The following TAFA1 variants were observed in gnomAD, a reference collection of about 807,000 sequenced individuals.
The protein encoded by TAFA1 is chemokine-like protein TAFA-1.
Under a neutral mutation model 18.5 loss-of-function variants are expected in TAFA1, and 4 were observed. The observed-to-expected ratio is 0.22, with a 90% CI of 0.11 to 0.49. TAFA1 has a LOEUF of 0.49. TAFA1 is among the 20% of genes least tolerant of loss of function. The pLI is 0.98. For synonymous variants in TAFA1, 56 were observed against 55.2 expected, an observed-to-expected ratio of 1.01 and a Z score of -0.06; for missense variants, 147 against 169.0, an observed-to-expected ratio of 0.87 and a Z score of 0.72.
chr3:68,430,899 A>G (rs1392905954), intron 3 of TAFA1, among the ~76,000 whole-genome samples: 3 of 152,032 alleles, frequency 2.0e-5, no homozygotes, highest in Non-Finnish European at 4.4e-5. Context: ...AGCAGTCTTA[A>G]GATACTGTAT....
At chr3:68,262,241 A>G (rs1252336337) in intron 2 of TAFA1, among the ~76,000 whole-genome samples, 1 of 142,494 alleles carries the variant, frequency 7.0e-6, no homozygotes. Context: ...TGATTACCCA[A>G]ACCCTAAGTC....
intron 2 of TAFA1, among the ~76,000 whole-genome samples, chr3:68,322,156 A>G (rs1014277422): frequency 3.7e-4 from 57 of 152,258 alleles, no homozygotes; most frequent in African/African-American, 1.3e-3. Context: ...CTAAAATTAC[A>G]TATACAAGTA....
At chr3:68,249,570 T>C (rs1028716218) in intron 2 of TAFA1, among the ~76,000 whole-genome samples, 18 of 152,074 alleles carry the variant, frequency 1.2e-4, no homozygotes, top group African/African-American at 4.3e-4. Context: ...AAAAGGGGAA[T>C]GGCTGCTCAG....
rs539945412 is a variant in TAFA1, at chr3:68,281,538, C to T, written c.119-135742C>T. ...AGGCTGGAGTACAGTGGTGCGATCT[C>T]GGCTCACTGCAACCTCCACTTCCCA... On this transcript the variant is annotated intron_variant, in intron 2 of 4. Coordinates refer to ENST00000478136, the MANE Select transcript of TAFA1 (RefSeq NM_213609.4). Among the ~76,000 whole-genome samples the T allele has an allele frequency of 2.0e-3, 293 of 146,656 alleles. 1 individual carries two copies. The highest frequency in any genetic ancestry group is 6.8e-3 in the African/African-American group (269 of 39,368).
At chr3:68,500,215 C>T (rs1294383879) in intron 3 of TAFA1, among the ~76,000 whole-genome samples, 2 of 152,108 alleles carry the variant, frequency 1.3e-5, no homozygotes, top group Admixed American at 6.6e-5. Flanking sequence ...TGGCTTAAGT[C>T]ATGTTGTGTT....
chr3:68,426,898 G>A (rs1049440026), intron 3 of TAFA1, among the ~76,000 whole-genome samples: 4 of 151,844 alleles, frequency 2.6e-5, no homozygotes, highest in Admixed American at 2.0e-4. Context: ...CAAGAATTTT[G>A]ATGTTATTTT....
chr3:68,418,446 T>A (rs1414466516), intron 3 of TAFA1, among the ~76,000 whole-genome samples: 5 of 53,818 alleles, frequency 9.3e-5, no homozygotes, highest in Non-Finnish European at 2.4e-4. Context: ...CATTTTCACT[T>A]CTTTTGTGGT....
chr3:68,224,713 A>G (rs1286378831), intron 2 of TAFA1, among the ~76,000 whole-genome samples: 1 of 151,976 alleles, frequency 6.6e-6, no homozygotes, highest in Non-Finnish European at 1.5e-5. Flanking sequence ...CAGTTTCCCC[A>G]TCTTTTAAAT....
chr3:68,438,569 A>G (rs1160305538), intron 3 of TAFA1, among the ~76,000 whole-genome samples: 2 of 151,932 alleles, frequency 1.3e-5, no homozygotes, highest in Non-Finnish European at 2.9e-5. Flanking sequence ...CCATGGCTCC[A>G]TTAGGCATTG....
chr3:68,298,091 A>G (rs2068242234), intron 2 of TAFA1, among the ~76,000 whole-genome samples: 2 of 152,064 alleles, frequency 1.3e-5, no homozygotes, highest in African/African-American at 4.8e-5. Flanking sequence ...GTTCTTTTTC[A>G]TCCATTAGGC....
chr3:68,344,513 T>C (rs547372097), intron 2 of TAFA1, among the ~76,000 whole-genome samples: 148 of 152,310 alleles, frequency 9.7e-4, no homozygotes, highest in African/African-American at 3.3e-3. Flanking sequence ...GATGACAGGC[T>C]TGGGTGTGAA....
At chr3:68,452,301 T>A (rs1436417727) in intron 3 of TAFA1, among the ~76,000 whole-genome samples, 2 of 151,966 alleles carry the variant, frequency 1.3e-5, no homozygotes, top group Non-Finnish European at 2.9e-5. Context: ...GGTGGGTGGA[T>A]CACCTGAGGT....
At chr3:68,426,709 C>G (rs2071061542) in intron 3 of TAFA1, among the ~76,000 whole-genome samples, 1 of 151,728 alleles carries the variant, frequency 6.6e-6, no homozygotes, top group African/African-American at 2.4e-5. Context: ...ATGGGGTTCA[C>G]CAACAAAGAA....
At chr3:68,147,713 T>C (rs914095827) in intron 2 of TAFA1, among the ~76,000 whole-genome samples, 3 of 152,200 alleles carry the variant, frequency 2.0e-5, no homozygotes, top group African/African-American at 7.2e-5. Flanking sequence ...TGTAGCTCTA[T>C]TGAACGTGAA....
At chr3:68,493,447 A>G (rs138655207) in intron 3 of TAFA1, among the ~76,000 whole-genome samples, 1 of 152,330 alleles carries the variant, frequency 6.6e-6, no homozygotes, top group African/African-American at 2.4e-5. Flanking sequence ...TGCTATGCAC[A>G]TGGGTGCACA....
intron 2 of TAFA1, among the ~76,000 whole-genome samples, chr3:68,261,801 G>C (rs952536250): frequency 6.6e-6 from 1 of 151,966 alleles, no homozygotes; most frequent in Non-Finnish European, 1.5e-5. Flanking sequence ...AGCATTAGGA[G>C]ATATACTTAA....
chr3:68,064,385 G>A (rs931683345), intron 2 of TAFA1, among the ~76,000 whole-genome samples: 4 of 152,186 alleles, frequency 2.6e-5, no homozygotes, highest in African/African-American at 9.6e-5. Flanking sequence ...TGCACTGGCT[G>A]TGACCAAATT....
chr3:68,460,911 A>C (rs2071764215), intron 3 of TAFA1, among the ~76,000 whole-genome samples: 1 of 152,228 alleles, frequency 6.6e-6, no homozygotes, highest in Non-Finnish European at 1.5e-5. Flanking sequence ...AATATATCTT[A>C]AAATGGAATC....
At position 68,283,788 on chromosome 3, in the gene TAFA1, A is replaced by T. The variant is rs535941590; in HGVS notation, c.119-133492A>T. Among the ~76,000 whole-genome samples the T allele has an allele frequency of 3.9e-5, 6 of 152,336 alleles. No individual in the cohort carries two copies. In the South Asian group the frequency reaches 1.2e-3, roughly 32 times the overall value. ...GGATGGGTAATCATTCCTGCCTTTA[A>T]GAGCATGTGTCTGTTTTTATCAGCC... On this transcript the variant is annotated intron_variant, in intron 2 of 4. Transcript: ENST00000478136.
Sources: gnomAD v4.1 joint callset for allele counts (sites outside exome capture counted in the v4.1 genomes callset) on GRCh38, gnomAD v4.1.1 for gene constraint, MANE v1.5 for transcripts, NCBI Gene and HGNC (gene_info 2026-07-23, HGNC 2026-07-21) for gene names.